The following ABCA9 variants were observed in gnomAD, a reference collection of about 807,000 sequenced individuals.
The protein encoded by ABCA9 is ATP binding cassette subfamily A member 9.
A neutral mutation model predicts 205.3 loss-of-function variants in ABCA9; 183 were observed. The observed-to-expected ratio is 0.89, with a 90% CI of 0.79 to 1.01. ABCA9 has a LOEUF of 1.01. Among genes scored for constraint, ABCA9 ranks in the 50% least tolerant of loss-of-function variants. ABCA9 has a pLI of 0.00. For synonymous variants in ABCA9, 651 were observed against 683.3 expected, an observed-to-expected ratio of 0.95 and a Z score of 0.74; for missense variants, 1,805 against 1,912.4, an observed-to-expected ratio of 0.94 and a Z score of 1.05.
In ABCA9 at chr17:69,016,112, A is replaced by AT. The variant is rs770577198; in HGVS notation, c.3039+140dup. On this transcript the variant is annotated intron_variant, in intron 22 of 38. Coordinates refer to ENST00000340001, the MANE Select transcript of ABCA9 (RefSeq NM_080283.4). ...TTTATATGTGTGTGTGTATATATAT[A>AT]TATATATATATACACACACACACAC... The AT allele has an allele frequency of 2.0e-3, 544 of 267,738 alleles. 2 individuals are homozygous for AT. Among genetic ancestry groups the AT allele is most frequent in the Middle Eastern group, 2.1e-3 (2 of 968 alleles). The allele number at this position is 267,738 out of a possible 1,614,324, so 16.6% of individuals were successfully genotyped here.
At position 68,990,871 on chromosome 17, in the gene ABCA9, G is replaced by A. The variant is rs778122752; in HGVS notation, c.3803C>T (p.Thr1268Ile). The change falls in exon 29 of 39, where the codon ACA becomes ATA. Residue 1268 changes from threonine (T) to isoleucine (I), a missense_variant. Thr to Ile is a moderately conservative substitution (Grantham distance 89, BLOSUM62 -1). Coordinates refer to ENST00000340001, the MANE Select transcript of ABCA9 (RefSeq NM_080283.4). ...EEDIQMERMR[T>I]VNAMAVRDFD... Reference sequence around the variant, plus strand: ...GTCTCGCACAGCCATAGCATTCACTGTTCTCATTCTTTCCATCTGGATATC... The same window carrying A: ...GTCTCGCACAGCCATAGCATTCACTATTCTCATTCTTTCCATCTGGATATC... The A allele has an allele frequency of 3.5e-5, 56 of 1,613,792 alleles. No individual in the cohort carries two copies. The South Asian group carries it at 5.1e-4, about 15-fold the overall frequency.
At chr17:69,025,903 TC>T (rs2070964005) in intron 16 of ABCA9, among the ~76,000 whole-genome samples, 1 of 152,044 alleles carries the variant, frequency 6.6e-6, no homozygotes, top group Non-Finnish European at 1.5e-5. Flanking sequence ...TATGTAAATA[TC>T]TTAGTAAGTA....
At chr17:69,018,039 C>T in intron 20 of ABCA9, 2 of 441,372 alleles carry the variant, frequency 4.5e-6, no homozygotes, top group Non-Finnish European at 7.9e-6. Flanking sequence ...TTGCTGTTAA[C>T]ATTATAATCC....
rs750554922 is a variant in ABCA9, at chr17:69,033,768, G to T, written c.1234C>A (p.Leu412Met). 3 of 1,612,446 alleles carry T rather than the reference G, an allele frequency of 1.9e-6. No homozygotes were observed. The Admixed American group carries it at 5.0e-5, about 27-fold the overall frequency. The stretch of plus-strand genomic sequence containing the variant: ...AAATATAATGTCAATACCAAATACA[G>T]AAGGGTGTCAAAAACCAACATGAAA... ...TLFMLVFDTL[L>M]YLVLTLYFDK... Residue 412 changes from leucine to methionine, a missense_variant, in exon 9 of 39, where the codon CTG becomes ATG. Transcript: ENST00000340001.
intron 1 of ABCA9, among the ~76,000 whole-genome samples, chr17:69,060,275 A>G (rs1426710974): frequency 6.6e-6 from 1 of 152,238 alleles, no homozygotes; most frequent in Non-Finnish European, 1.5e-5. Flanking sequence ...TAAATTGGTT[A>G]TAAAAAGCCA....
At chr17:69,027,532 C>G (rs1487885576) in intron 13 of ABCA9, 83 bp from the exon 14 acceptor site, 4 of 1,557,126 alleles carry the variant, frequency 2.6e-6, no homozygotes, top group East Asian at 4.5e-5. Flanking sequence ...TTACAAAGGG[C>G]CTTTTTGCCT....
chr17:69,052,176 G>A (rs1180620616), intron 1 of ABCA9, among the ~76,000 whole-genome samples: 1 of 152,062 alleles, frequency 6.6e-6, no homozygotes, highest in African/African-American at 2.4e-5. Context: ...TTAGAGACTG[G>A]CCTGGGCAAC....
chr17:69,062,195 G>A (rs891394010), upstream of ABCA9, among the ~76,000 whole-genome samples: 8 of 150,724 alleles, frequency 5.3e-5, no homozygotes, highest in South Asian at 1.3e-3. Context: ...AAAGGTTATA[G>A]GTTGGTTGAT....
At chr17:69,053,765 T>C (rs959472823) in intron 1 of ABCA9, among the ~76,000 whole-genome samples, 5 of 139,894 alleles carry the variant, frequency 3.6e-5, no homozygotes, top group Non-Finnish European at 8.2e-5. Context: ...GAAGAAATAC[T>C]TTAAACAGTA....
At chr17:69,019,838 C>T (rs2070756940) in intron 19 of ABCA9, 1 of 152,512 alleles carries the variant, frequency 6.6e-6, no homozygotes, top group Non-Finnish European at 1.5e-5. Flanking sequence ...GAAATTGTGC[C>T]TAAGTTTCCA....
intron 28 of ABCA9, among the ~76,000 whole-genome samples, chr17:68,991,868 T>C (rs182953497): frequency 1.5e-3 from 229 of 152,298 alleles, no homozygotes; most frequent in African/African-American, 5.2e-3. Flanking sequence ...TTGGATTAAC[T>C]TTCCCAATGC....
intron 34 of ABCA9, 147 bp downstream of exon 34, chr17:68,984,738 G>A: frequency 2.8e-6 from 3 of 1,060,254 alleles, no homozygotes; most frequent in Non-Finnish European, 4.0e-6. Flanking sequence ...AAAGCTGGTT[G>A]TGATTTGAAA....
chr17:69,039,094 C>T (rs945623622), intron 6 of ABCA9, among the ~76,000 whole-genome samples: 7 of 152,174 alleles, frequency 4.6e-5, no homozygotes, highest in Admixed American at 3.3e-4. Context: ...ACATTCCATG[C>T]TCATGGATAG....
At chr17:69,075,597 C>T in the ABCA9 span, among the ~76,000 whole-genome samples, 10 of 152,022 alleles carry the variant, frequency 6.6e-5, no homozygotes, top group Admixed American at 5.2e-4. Context: ...TTCCATTGGT[C>T]TATATGCCTT....
At chr17:69,056,557 A>G (rs1285640703) in intron 1 of ABCA9, among the ~76,000 whole-genome samples, 1 of 152,240 alleles carries the variant, frequency 6.6e-6, no homozygotes, top group Non-Finnish European at 1.5e-5. Flanking sequence ...GTGGTTCCCC[A>G]GTGAATGGGT....
intron 1 of ABCA9, among the ~76,000 whole-genome samples, chr17:69,056,805 G>T (rs1329315814): frequency 6.6e-6 from 1 of 152,198 alleles, no homozygotes; most frequent in Non-Finnish European, 1.5e-5. Context: ...GTAGAGTGAT[G>T]GTGGTAATAA....
intron 17 of ABCA9, 120 bp from the exon 18 acceptor site, chr17:69,021,981 C>T (rs2070825245): frequency 4.1e-6 from 3 of 729,494 alleles, no homozygotes; most frequent in African/African-American, 1.8e-5. Flanking sequence ...AATTGTGATA[C>T]AGATGATCTC....
At chr17:68,984,349 A>G (rs1033602504) in intron 34 of ABCA9, among the ~76,000 whole-genome samples, 174 bp from the exon 35 acceptor site, 1 of 152,220 alleles carries the variant, frequency 6.6e-6, no homozygotes, top group African/African-American at 2.4e-5. Context: ...GATAGAGTAT[A>G]TAATTCAGAA....
Position 68,993,039 on chromosome 17 carries a change from T to C in ABCA9, c.3601A>G (p.Ile1201Val), listed in dbSNP as rs138920081. 2.5e-4 allele frequency: 410 copies of C among 1,613,594 alleles called. 4 individuals are homozygous for C. The highest frequency in any genetic ancestry group is 6.7e-4 in the Admixed American group (40 of 59,980). The change falls in exon 27 of 39, where the codon ATT becomes GTT. Residue 1201 changes from isoleucine (I) to valine (V), a missense_variant. Transcript: ENST00000340001. ...MDYLGASESE[I>V]VYLALLIPYL... Reference sequence around the variant, plus strand: ...ACTATTAGCAGTGCCAGGTATACAATTTCAGATTCTGAAGCTCCTAAGTAA... The same window carrying C: ...ACTATTAGCAGTGCCAGGTATACAACTTCAGATTCTGAAGCTCCTAAGTAA...
Sources: gnomAD v4.1 joint callset for allele counts (sites outside exome capture counted in the v4.1 genomes callset) on GRCh38, gnomAD v4.1.1 for gene constraint, MANE v1.5 for transcripts, NCBI Gene and HGNC (gene_info 2026-07-23, HGNC 2026-07-21) for gene names.